Variants in RANBP2 observed in about 807,000 individuals in gnomAD.
The protein encoded by RANBP2 is E3 SUMO-protein ligase RanBP2.
In RANBP2, 57 loss-of-function variants were observed where a neutral mutation model predicts 303.6. The observed-to-expected ratio is 0.19, with a 90% CI of 0.15 to 0.23. The LOEUF (loss-of-function observed/expected upper bound fraction) is 0.23. Among genes scored for constraint, RANBP2 ranks in the 10% least tolerant of loss-of-function variants. The pLI is 1.00. For missense variants in RANBP2, 3,138 were observed against 3,780.8 expected (o/e 0.83, Z 4.46); for synonymous variants, 1,167 against 1,301.5 (o/e 0.90, Z 2.23).
the RANBP2 span, among the ~76,000 whole-genome samples, chr2:109,381,388 C>G: frequency 6.6e-6 from 1 of 152,204 alleles, no homozygotes; most frequent in African/African-American, 2.4e-5. Context: ...TACTTTTACA[C>G]CTAACTTTAG....
chr2:109,556,667 T>TA, the RANBP2 span, among the ~76,000 whole-genome samples: 2 of 152,156 alleles, frequency 1.3e-5, no homozygotes, highest in Non-Finnish European at 2.9e-5. Flanking sequence ...TCTTTTTTTT[T>TA]AAAGAAGCCC....
the RANBP2 span, among the ~76,000 whole-genome samples, chr2:108,796,611 ATC>A: frequency 6.6e-6 from 1 of 152,250 alleles, no homozygotes; most frequent in South Asian, 2.1e-4. Context: ...AAAATGTGGT[ATC>A]TATACACAAT....
intron 18 of RANBP2, among the ~76,000 whole-genome samples, chr2:108,759,456 G>T (rs535212862): frequency 3.0e-4 from 46 of 152,150 alleles, no homozygotes; most frequent in African/African-American, 1.0e-3. Flanking sequence ...TTTTACGTAC[G>T]ACAGACTTCT....
the RANBP2 span, among the ~76,000 whole-genome samples, chr2:109,457,815 C>T: frequency 6.6e-6 from 1 of 152,198 alleles, no homozygotes; most frequent in Non-Finnish European, 1.5e-5. Context: ...AAAACAAGCG[C>T]ACACCCCATA....
the RANBP2 span, among the ~76,000 whole-genome samples, chr2:108,834,398 C>G: frequency 6.6e-6 from 1 of 151,760 alleles, no homozygotes; most frequent in Non-Finnish European, 1.5e-5. Flanking sequence ...TTAATAGAGA[C>G]AGATGGGGGT....
the RANBP2 span, among the ~76,000 whole-genome samples, chr2:109,152,770 C>G: frequency 6.6e-6 from 1 of 152,182 alleles, no homozygotes; most frequent in Non-Finnish European, 1.5e-5. Flanking sequence ...CCCAGTGTCC[C>G]CTCCCAGGCC....
the RANBP2 span, among the ~76,000 whole-genome samples, chr2:109,246,905 A>T: frequency 5.9e-5 from 9 of 152,166 alleles, no homozygotes; most frequent in East Asian, 1.7e-3. Flanking sequence ...GACCCCTCTG[A>T]CTCAGGGCTC....
At chr2:109,642,046 T>C in the RANBP2 span, among the ~76,000 whole-genome samples, 831 of 152,206 alleles carry the variant, frequency 5.5e-3, 7 homozygotes, top group African/African-American at 0.019. Flanking sequence ...CCTTGTGATC[T>C]GCCCACCTTG....
the RANBP2 span, among the ~76,000 whole-genome samples, chr2:109,344,585 T>C: frequency 6.6e-6 from 1 of 152,206 alleles, no homozygotes; most frequent in Admixed American, 6.5e-5. Context: ...CATTTGGGCA[T>C]CCAGCCCATG....
chr2:109,595,788 T>C, the RANBP2 span, among the ~76,000 whole-genome samples: 282 of 152,352 alleles, frequency 1.9e-3, 1 homozygote, highest in South Asian at 0.022. Context: ...AATGTCCATT[T>C]AGAGTCTGAC....
At chr2:109,484,218 C>T in the RANBP2 span, among the ~76,000 whole-genome samples, 2 of 152,142 alleles carry the variant, frequency 1.3e-5, no homozygotes, top group Non-Finnish European at 2.9e-5. Flanking sequence ...AGGCGCTTGC[C>T]ACCACGCTCA....
At chr2:109,563,502 T>C in the RANBP2 span, among the ~76,000 whole-genome samples, 1 of 152,234 alleles carries the variant, frequency 6.6e-6, no homozygotes, top group African/African-American at 2.4e-5. Flanking sequence ...CACGCTTTCC[T>C]GCATGCAAAC....
the RANBP2 span, among the ~76,000 whole-genome samples, chr2:109,581,702 G>A: frequency 1.3e-5 from 2 of 151,962 alleles, no homozygotes; most frequent in African/African-American, 4.8e-5. Flanking sequence ...CAACAAATAA[G>A]TTAATGAGAA....
the RANBP2 span, among the ~76,000 whole-genome samples, chr2:108,810,811 G>A: frequency 0.02 from 3,107 of 152,264 alleles, 41 homozygotes; most frequent in Non-Finnish European, 0.032. Flanking sequence ...AAGCCATTTA[G>A]TTCGGGCTTT....
At chr2:109,395,820 C>G in the RANBP2 span, among the ~76,000 whole-genome samples, 390 of 152,316 alleles carry the variant, frequency 2.6e-3, 2 homozygotes, top group African/African-American at 8.9e-3. Flanking sequence ...ACATTCAGAT[C>G]AGGGCCCCAT....
At chr2:108,740,884 T>C (rs1696028342) in intron 7 of RANBP2, among the ~76,000 whole-genome samples, 1 of 151,436 alleles carries the variant, frequency 6.6e-6, no homozygotes, top group Admixed American at 6.6e-5. Context: ...AATGCACTCT[T>C]GTTGAAAGCC....
chr2:109,206,914 G>A, the RANBP2 span, among the ~76,000 whole-genome samples: 1 of 152,256 alleles, frequency 6.6e-6, no homozygotes, highest in Non-Finnish European at 1.5e-5. Flanking sequence ...ATAAGCTTGT[G>A]TTTGGGATAG....
At chr2:109,260,932 G>T in the RANBP2 span, among the ~76,000 whole-genome samples, 1 of 152,180 alleles carries the variant, frequency 6.6e-6, no homozygotes, top group African/African-American at 2.4e-5. Flanking sequence ...AGGCCACTCT[G>T]TTTACAAGCA....
At chr2:108,756,738 G>C (rs550294502) in intron 17 of RANBP2, among the ~76,000 whole-genome samples, 1 of 152,224 alleles carries the variant, frequency 6.6e-6, no homozygotes, top group East Asian at 1.9e-4. Context: ...TAATGATCTT[G>C]GGCCAGTCAC....
Sources: gnomAD v4.1 joint callset for allele counts (sites outside exome capture counted in the v4.1 genomes callset) on GRCh38, gnomAD v4.1.1 for gene constraint, MANE v1.5 for transcripts, NCBI Gene and HGNC (gene_info 2026-07-23, HGNC 2026-07-21) for gene names.